The following ZFHX3 variants were observed in gnomAD, a reference collection of about 807,000 sequenced individuals.
The protein encoded by ZFHX3 is zinc finger homeobox 3.
A neutral mutation model predicts 279.1 loss-of-function variants in ZFHX3; 42 were observed. The observed-to-expected ratio is 0.15, with a 90% CI of 0.12 to 0.19. The LOEUF (loss-of-function observed/expected upper bound fraction) is 0.19. ZFHX3 is among the 10% of genes least tolerant of loss of function. The pLI, the probability that ZFHX3 is intolerant of heterozygous loss-of-function variation, is 1.00. For synonymous variants in ZFHX3, 2,293 were observed against 1,957.8 expected (o/e 1.17, Z -4.52); for missense variants, 4,981 against 4,754.0 (o/e 1.05, Z -1.40).
chr16:73,017,021 T>G (rs1024796490), intron 1 of ZFHX3, among the ~76,000 whole-genome samples: 1 of 151,822 alleles, frequency 6.6e-6, no homozygotes. Flanking sequence ...AGCCCAAGAT[T>G]TCAAGACCAG....
At chr16:73,789,523 T>G (rs576137714) in intron 1 of ZFHX3, among the ~76,000 whole-genome samples, 39 of 152,286 alleles carry the variant, frequency 2.6e-4, no homozygotes, top group Admixed American at 1.2e-3. Flanking sequence ...TTTCAAAGGC[T>G]GTAATCTGTA....
intron 2 of ZFHX3, among the ~76,000 whole-genome samples, chr16:73,567,941 A>C (rs973899215): frequency 1.3e-5 from 2 of 152,196 alleles, no homozygotes; most frequent in Admixed American, 1.3e-4. Flanking sequence ...CTCTCCTTTT[A>C]TCTGCTGTTC....
intron 3 of ZFHX3, among the ~76,000 whole-genome samples, chr16:73,364,657 T>C (rs2016498168): frequency 6.6e-6 from 1 of 151,630 alleles, no homozygotes. Flanking sequence ...AGCTGGTGAG[T>C]TTTAGGACAT....
intron 4 of ZFHX3, chr16:73,257,184 C>G (rs1006494962): frequency 6.6e-6 from 1 of 152,176 alleles, no homozygotes; most frequent in Non-Finnish European, 1.5e-5. Flanking sequence ...ATTTTTGGTA[C>G]ATATTCCTGA....
intron 3 of ZFHX3, among the ~76,000 whole-genome samples, chr16:73,418,008 AAAAAG>A (rs2017628471): frequency 6.6e-6 from 1 of 150,600 alleles, no homozygotes; most frequent in South Asian, 2.1e-4. Context: ...AAAAAAAAAA[AAAAAG>A]GAAAAAGAAA....
At chr16:72,929,646 G>A (rs752619908) in intron 3 of ZFHX3, among the ~76,000 whole-genome samples, 3 of 152,200 alleles carry the variant, frequency 2.0e-5, no homozygotes, top group Admixed American at 1.3e-4. Flanking sequence ...AGGATGCCTG[G>A]GGCCACGCGG....
chr16:72,880,579 C>A (rs2038438381), intron 4 of ZFHX3, among the ~76,000 whole-genome samples: 1 of 152,258 alleles, frequency 6.6e-6, no homozygotes, highest in East Asian at 1.9e-4. Flanking sequence ...TTTCAGCCAA[C>A]CAATGGAAAC....
chr16:73,178,093 G>A (rs1008479162), intron 5 of ZFHX3, among the ~76,000 whole-genome samples: 1 of 152,106 alleles, frequency 6.6e-6, no homozygotes, highest in African/African-American at 2.4e-5. Flanking sequence ...CTGAAGCAAT[G>A]TAAATTAGTT....
At chr16:73,382,560 TG>T (rs1045274764) in intron 3 of ZFHX3, among the ~76,000 whole-genome samples, 1 of 151,948 alleles carries the variant, frequency 6.6e-6, no homozygotes, top group East Asian at 1.9e-4. Context: ...GAATGGATTG[TG>T]GGGGGGCAGG....
intron 1 of ZFHX3, among the ~76,000 whole-genome samples, chr16:73,019,284 C>T (rs1244039628): frequency 6.6e-6 from 1 of 152,124 alleles, no homozygotes; most frequent in Admixed American, 6.5e-5. Flanking sequence ...CAGGACATGA[C>T]GCCAAGCCCC....
intron 5 of ZFHX3, among the ~76,000 whole-genome samples, chr16:72,825,455 T>C (rs2036907449): frequency 1.3e-5 from 2 of 152,228 alleles, no homozygotes; most frequent in Non-Finnish European, 2.9e-5. Flanking sequence ...TTAGAATAAG[T>C]GCAAAAGCCA....
chr16:73,692,209 A>C (rs1255855228), intron 1 of ZFHX3, among the ~76,000 whole-genome samples: 2 of 152,080 alleles, frequency 1.3e-5, no homozygotes, highest in Non-Finnish European at 2.9e-5. Context: ...TAATAAATAG[A>C]TTGAGGTGGA....
At chr16:72,935,393 T>C (rs895592337) in intron 3 of ZFHX3, among the ~76,000 whole-genome samples, 1 of 152,130 alleles carries the variant, frequency 6.6e-6, no homozygotes, top group African/African-American at 2.4e-5. Flanking sequence ...CTAGGGAAAC[T>C]GAGGGAGGAG....
intron 2 of ZFHX3, among the ~76,000 whole-genome samples, chr16:73,627,138 A>G (rs879476596): frequency 4.6e-5 from 7 of 152,202 alleles, no homozygotes; most frequent in Non-Finnish European, 8.8e-5. Flanking sequence ...AGAATACCTA[A>G]GCAAAGAAAA....
chr16:72,874,407 G>A (rs560573854), intron 4 of ZFHX3, among the ~76,000 whole-genome samples: 5 of 151,888 alleles, frequency 3.3e-5, no homozygotes, highest in African/African-American at 1.2e-4. Flanking sequence ...GGGGTTTCAC[G>A]GTGTTAGTCA....
Position 73,392,608 on chromosome 16 carries a change from G to A in ZFHX3, c.-1291+63395C>T, listed in dbSNP as rs546470575. Among the ~76,000 whole-genome samples, 49 of 151,766 alleles carry A rather than the reference G, an allele frequency of 3.2e-4. 1 individual carries two copies. The South Asian group carries it at 9.8e-3, about 30-fold the overall frequency. ...TATATATTTTTGCAACAAGCTGGAA[G>A]GACTATATAAATCTAAAAACTGTGT... On this transcript the variant is annotated intron_variant, in intron 3 of 17. Coordinates refer to the ZFHX3 transcript ENST00000641206.
At chr16:72,927,781 C>T (rs576751216) in intron 3 of ZFHX3, among the ~76,000 whole-genome samples, 59 of 152,058 alleles carry the variant, frequency 3.9e-4, no homozygotes, top group African/African-American at 7.5e-4. Context: ...CTGAGGCCTC[C>T]GGAGTGTACA....
intron 1 of ZFHX3, among the ~76,000 whole-genome samples, chr16:73,838,327 A>C (rs185059644): frequency 1.3e-5 from 2 of 152,304 alleles, no homozygotes; most frequent in Admixed American, 1.3e-4. Flanking sequence ...CAAGTAAAAT[A>C]TTTTTATATG....
chr16:73,235,938 T>A (rs1437450215), intron 5 of ZFHX3, among the ~76,000 whole-genome samples: 2 of 152,208 alleles, frequency 1.3e-5, no homozygotes, highest in African/African-American at 2.4e-5. Flanking sequence ...CCCAAAGGGC[T>A]GGGATTATAG....
Sources: allele counts gnomAD v4.1 joint callset (sites outside exome capture counted in the v4.1 genomes callset), GRCh38; gene constraint gnomAD v4.1.1; transcripts MANE v1.5; gene names NCBI Gene and HGNC (gene_info 2026-07-23, HGNC 2026-07-21).